ALDH1A2: variants seen among roughly 807,000 people sequenced by gnomAD.
ALDH1A2 encodes retinal dehydrogenase 2.
In ALDH1A2, 27 loss-of-function variants were observed where a neutral mutation model predicts 60.3. The ratio of observed to expected loss-of-function variants is 0.45; its 90% confidence interval spans 0.33 to 0.62. ALDH1A2 has a LOEUF of 0.62. Ranked by LOEUF, ALDH1A2 falls within the 20% of genes least tolerant of loss-of-function variation. The pLI is 0.02. For synonymous variants in ALDH1A2, 289 were observed against 232.4 expected, an observed-to-expected ratio of 1.24 and a Z score of -2.21; for missense variants, 581 against 643.8, an observed-to-expected ratio of 0.90 and a Z score of 1.06.
intron 1 of ALDH1A2, chr15:58,036,491 T>G (rs1173345197): frequency 6.6e-6 from 1 of 151,540 alleles, no homozygotes; most frequent in Admixed American, 6.6e-5. Flanking sequence ...CAACCACTTT[T>G]TAACATTAAG....
rs779086127 is a variant in ALDH1A2, at chr15:57,965,804, T to C, written c.822A>G (p.Ala274=). The change falls in exon 8 of 13, where the codon GCA becomes GCG. Residue 274 remains alanine, a synonymous_variant. Transcript: ENST00000249750. Reference sequence around the variant, plus strand: ...CTCTCTTCAAATTACTTCTTCCAGCTGCTTCTTGGATAAGCTTTCCAACCT... The same window carrying C: ...CTCTCTTCAAATTACTTCTTCCAGCCGCTTCTTGGATAAGCTTTCCAACCT... ...STEVGKLIQE[A]AGRSNLKRVT... 1 of 1,614,182 alleles carries C rather than the reference T, an allele frequency of 6.2e-7. No individual in the cohort carries two copies. Among genetic ancestry groups the C allele is most frequent in the Non-Finnish European group, 8.5e-7 (1 of 1,179,990 alleles).
chr15:58,044,194 G>A (rs1042435574), intron 1 of ALDH1A2, among the ~76,000 whole-genome samples: 8 of 151,874 alleles, frequency 5.3e-5, no homozygotes, highest in Non-Finnish European at 8.8e-5. Context: ...GAATGTGTGC[G>A]TTTGTTACCT....
At chr15:58,026,446 A>C (rs991537170) in intron 1 of ALDH1A2, among the ~76,000 whole-genome samples, 2 of 152,332 alleles carry the variant, frequency 1.3e-5, no homozygotes, top group South Asian at 2.1e-4. Context: ...GCTCCCAGCA[A>C]GGTGAACACA....
intron 1 of ALDH1A2, among the ~76,000 whole-genome samples, chr15:58,033,044 G>A (rs931031822): frequency 6.6e-6 from 1 of 151,954 alleles, no homozygotes; most frequent in African/African-American, 2.4e-5. Context: ...AGAGGATGAA[G>A]AGAGGTAGGT....
At position 57,962,029 on chromosome 15, in the gene ALDH1A2, G is replaced by A. The variant is rs563668428; in HGVS notation, c.1234C>T (p.Arg412Trp). Reference sequence around the variant, plus strand: ...TTTGATACCTCCTCCTTGGCAATCCGCATATCATCAGTGACGTTGGAAAAC... The same window carrying A: ...TTTGATACCTCCTCCTTGGCAATCCACATATCATCAGTGACGTTGGAAAAC... ...TVFSNVTDDM[R>W]IAKEEIFGPV... The change falls in exon 10 of 13, where the codon CGG becomes TGG. Residue 412 changes from arginine (R) to tryptophan (W), a missense_variant. By Grantham distance (101) the Arg-to-Trp change is moderately radical. Coordinates refer to ENST00000249750, the MANE Select transcript of ALDH1A2 (RefSeq NM_003888.4). 3.7e-6 allele frequency: 6 copies of A among 1,614,052 alleles called. No individual in the cohort carries two copies. The highest frequency in any genetic ancestry group is 2.2e-5 in the East Asian group (1 of 44,870).
At chr15:58,062,092 C>T (rs1257496284) in intron 1 of ALDH1A2, among the ~76,000 whole-genome samples, 10 of 152,118 alleles carry the variant, frequency 6.6e-5, no homozygotes, top group African/African-American at 1.7e-4. Flanking sequence ...TCTAGACTCA[C>T]GATGCACATT....
chr15:58,009,446 G>A (rs1895559251), intron 4 of ALDH1A2, among the ~76,000 whole-genome samples: 1 of 151,826 alleles, frequency 6.6e-6, no homozygotes, highest in Non-Finnish European at 1.5e-5. Flanking sequence ...GTACTGCTCA[G>A]CCTGGCTAAG....
intron 12 of ALDH1A2, among the ~76,000 whole-genome samples, chr15:57,958,325 T>A (rs1462410183): frequency 6.6e-6 from 1 of 151,164 alleles, no homozygotes; most frequent in African/African-American, 2.5e-5. Flanking sequence ...CAGAATTCTT[T>A]CCATCTCCTC....
intron 7 of ALDH1A2, among the ~76,000 whole-genome samples, chr15:57,978,120 C>G (rs1429991139): frequency 6.6e-6 from 1 of 152,170 alleles, no homozygotes; most frequent in Non-Finnish European, 1.5e-5. Flanking sequence ...TCTAAATATA[C>G]AATCATGTCA....
chr15:58,026,212 T>C lies in ALDH1A2; in HGVS notation c.118-11931A>G, dbSNP rs1465197260. 3.3e-5 allele frequency among the ~76,000 whole-genome samples: 5 copies of C among 152,004 alleles called. No individual in the cohort carries two copies. The East Asian group carries it at 5.8e-4, about 18-fold the overall frequency. On this transcript the variant is annotated intron_variant, in intron 1 of 12. Transcript: ENST00000249750. ...CTAACAAACCTAAATCAACAGCACA[T>C]TGAAAAGATAACACACTATGATAAA...
rs1381059699 is a variant in ALDH1A2, at chr15:58,013,882, C to T, written c.339G>A (p.Val113=). The T allele has an allele frequency of 4.0e-5, 65 of 1,614,062 alleles. No individual in the cohort carries two copies. The highest frequency in any genetic ancestry group is 5.4e-5 in the Non-Finnish European group (64 of 1,180,034). The change falls in exon 3 of 13, where the codon GTG becomes GTA. Residue 113 remains valine (V), a synonymous_variant. Coordinates refer to ENST00000249750, the MANE Select transcript of ALDH1A2 (RefSeq NM_003888.4). ...CTGCAAGAACTGCCCTGTCCCGTTC[C>T]ACCAAGTCTGCAAGCTTATCCAACA... The part of the protein sequence containing the change: ...GRLLDKLADL[V]ERDRAVLATM...
intron 4 of ALDH1A2, among the ~76,000 whole-genome samples, chr15:58,008,814 T>C (rs1041837688): frequency 6.6e-6 from 1 of 152,086 alleles, no homozygotes; most frequent in Admixed American, 6.6e-5. Context: ...GTCCCACTGT[T>C]GACAAAGGTT....
At chr15:58,042,996 C>G (rs1384835193) in intron 1 of ALDH1A2, among the ~76,000 whole-genome samples, 1 of 151,554 alleles carries the variant, frequency 6.6e-6, no homozygotes, top group African/African-American at 2.4e-5. Flanking sequence ...AAGGGGATAC[C>G]CTTATAAAAG....
rs770969577 is a variant in ALDH1A2 at position 58,013,900 on chromosome 15, A to C, written c.321T>G (p.Asp107Glu). 3 of 1,614,204 alleles carry C rather than the reference A, an allele frequency of 1.9e-6. No individual in the cohort carries two copies. Among genetic ancestry groups the C allele is most frequent in the Non-Finnish European group, 2.5e-6 (3 of 1,180,028 alleles). Residue 107 changes from aspartate to glutamate, a missense_variant, in exon 3 of 13, where the codon GAT (aspartate) becomes GAG (glutamate). Asp to Glu is a conservative substitution (Grantham distance 45, BLOSUM62 2). Coordinates refer to ENST00000249750, the MANE Select transcript of ALDH1A2 (RefSeq NM_003888.4). ...CCCGTTCCACCAAGTCTGCAAGCTT[A>C]TCCAACAGACGTCCCCTTTCTGAAG... Reference protein sequence around the residue: ...MDASERGRLLDKLADLVERDR... With the variant: ...MDASERGRLLEKLADLVERDR...
At chr15:58,006,678 C>T (rs1895468657) in intron 4 of ALDH1A2, among the ~76,000 whole-genome samples, 2 of 145,164 alleles carry the variant, frequency 1.4e-5, no homozygotes, top group African/African-American at 2.5e-5. Context: ...ACGCCAACAT[C>T]TATTTTTTTT....
intron 3 of ALDH1A2, 44 bp from the exon 4 acceptor site, chr15:58,010,822 C>G: frequency 6.2e-7 from 1 of 1,609,046 alleles, no homozygotes; most frequent in South Asian, 1.1e-5. Flanking sequence ...CCAGAACTTT[C>G]CAGCGATACA....
At chr15:57,991,125 A>C (rs1894882711) in intron 7 of ALDH1A2, among the ~76,000 whole-genome samples, 1 of 152,212 alleles carries the variant, frequency 6.6e-6, no homozygotes, top group African/African-American at 2.4e-5. Flanking sequence ...TAAGGACTTA[A>C]GAACATTTGC....
At chr15:58,063,167 A>G (rs1437295965) in intron 1 of ALDH1A2, among the ~76,000 whole-genome samples, 1 of 152,220 alleles carries the variant, frequency 6.6e-6, no homozygotes, top group African/African-American at 2.4e-5. Context: ...GTGGGTCCCA[A>G]TATCACACTG....
At chr15:58,061,620 A>AAAC (rs1897040736) in intron 1 of ALDH1A2, among the ~76,000 whole-genome samples, 1 of 150,132 alleles carries the variant, frequency 6.7e-6, no homozygotes, top group Non-Finnish European at 1.5e-5. Context: ...CAAAAAAAAA[A>AAAC]AAAAAACGGA....
Sources: gnomAD v4.1 joint callset for allele counts (sites outside exome capture counted in the v4.1 genomes callset) on GRCh38, gnomAD v4.1.1 for gene constraint, MANE v1.5 for transcripts, NCBI Gene and HGNC (gene_info 2026-07-23, HGNC 2026-07-21) for gene names.